The following BAHD1 variants were observed in gnomAD, a reference collection of about 807,000 sequenced individuals.
The protein encoded by BAHD1 is bromo adjacent homology domain-containing 1 protein.
A neutral mutation model predicts 63.1 loss-of-function variants in BAHD1; 20 were observed. That is an observed-to-expected ratio of 0.32 (90% CI 0.22 to 0.46). The LOEUF (loss-of-function observed/expected upper bound fraction) is 0.46, where lower values mean the gene tolerates loss of function less well. Ranked by LOEUF, BAHD1 falls within the 20% of genes least tolerant of loss-of-function variation. The probability of loss-of-function intolerance (pLI) is 1.00; values close to 1 mark genes in which losing one functional copy is unlikely to be tolerated. For missense variants in BAHD1, 939 were observed against 1,071.8 expected, an observed-to-expected ratio of 0.88 and a Z score of 1.73; for synonymous variants, 408 against 426.8, an observed-to-expected ratio of 0.96 and a Z score of 0.54.
upstream of BAHD1, among the ~76,000 whole-genome samples, chr15:40,437,778 T>C (rs578154788): frequency 6.6e-6 from 1 of 152,240 alleles, no homozygotes; most frequent in Non-Finnish European, 1.5e-5. Context: ...GGCCAGGCGG[T>C]CTTCGGGGAC....
At chr15:40,440,623 G>C (rs1176685679), upstream of BAHD1, among the ~76,000 whole-genome samples, 2 of 152,074 alleles carry the variant, frequency 1.3e-5, no homozygotes, top group Non-Finnish European at 2.9e-5. Flanking sequence ...GTGGGATACG[G>C]GCTCAGGTTC....
At chr15:40,445,978 A>G (rs1893530004) in intron 1 of BAHD1, among the ~76,000 whole-genome samples, 1 of 152,166 alleles carries the variant, frequency 6.6e-6, no homozygotes, top group Non-Finnish European at 1.5e-5. Context: ...AGTGACAGAA[A>G]ATACCATGCG....
intron 1 of BAHD1, among the ~76,000 whole-genome samples, chr15:40,454,907 G>T (rs78886478): frequency 0.042 from 6,347 of 152,276 alleles, 415 homozygotes; most frequent in African/African-American, 0.14. Context: ...CCTGTAGCTG[G>T]GCCATCCCTT....
intron 3 of BAHD1, 122 bp from the exon 4 acceptor site, chr15:40,463,739 C>T (rs1894119363): frequency 1.3e-5 from 15 of 1,142,624 alleles, no homozygotes; most frequent in Non-Finnish European, 1.7e-5. Context: ...AGTGGTTTGA[C>T]AAAACCAAGG....
chr15:40,459,716 G>A lies in BAHD1; in HGVS notation c.1252G>A (p.Ala418Thr). The change falls in exon 2 of 7, where the codon GCT becomes ACT. Residue 418 changes from alanine (A) to threonine (T), a missense_variant. Ala to Thr is a moderately conservative substitution (Grantham distance 58, BLOSUM62 0). Around this residue, in one of 5 missense-constraint regions of BAHD1, gnomAD observed 797 missense variants for 813.3 expected, o/e 0.98. Transcript: ENST00000416165. ...ACCTCACGAGGAGGGGCTCCTCTTA[G>A]CTCCGAGCTCAGTGCCCTCAGGCAC... ...AAPHEEGLLL[A>T]PSSVPSGTPF... The A allele has an allele frequency of 6.2e-7, 1 of 1,613,960 alleles. No individual in the cohort carries two copies. Among genetic ancestry groups the A allele is most frequent in the Non-Finnish European group, 8.5e-7 (1 of 1,180,010 alleles).
rs373889225 is a variant in BAHD1, at chr15:40,461,887, C to T, written c.1433-25C>T. ...TGATGGGGGTCACTGCTTGTCCTGT[C>T]CTGACCACTCTCTCCCTTTCCTAGA... On this transcript the variant is annotated intron_variant, in intron 2 of 6. Coordinates refer to ENST00000416165, the MANE Select transcript of BAHD1 (RefSeq NM_014952.5). 6 of 1,568,004 alleles carry T rather than the reference C, an allele frequency of 3.8e-6. No individual in the cohort carries two copies. In the African/African-American group the frequency reaches 8.1e-5, roughly 21 times the overall value.
rs201259550 is a variant in BAHD1 at position 40,459,396 on chromosome 15, G to C, written c.932G>C (p.Arg311Pro). ...GCTCTGGAGAGCCCTTTGGGGCTGC[G>C]CCCTCACCTGCCCCTGCTGATGGGT... ...SKALESPLGL[R>P]PHLPLLMGGQ... Residue 311 changes from arginine to proline, a missense_variant, in exon 2 of 7, where the codon CGC becomes CCC. Physicochemically the swap from Arg to Pro is moderately radical, Grantham distance 103 (BLOSUM62 -2). Transcript: ENST00000416165. The C allele has an allele frequency of 6.2e-7, 1 of 1,612,472 alleles. No individual in the cohort carries two copies. The highest frequency in any genetic ancestry group is 8.5e-7 in the Non-Finnish European group (1 of 1,179,672).
At chr15:40,464,084 A>C in intron 4 of BAHD1, 64 bp downstream of exon 4, 1 of 1,566,588 alleles carries the variant, frequency 6.4e-7, no homozygotes, top group South Asian at 1.2e-5. Context: ...TAGTCCCCAG[A>C]TTGGCCCCTG....
chr15:40,466,605 A>T lies in BAHD1; in HGVS notation c.*475A>T, dbSNP rs1894217634. 6.4e-6 allele frequency: 1 copy of T among 156,614 alleles called. No homozygotes were observed. The highest frequency in any genetic ancestry group is 1.4e-5 in the Non-Finnish European group (1 of 70,666). The allele number at this position is 156,614 out of a possible 1,614,324, so 9.7% of individuals were successfully genotyped here. Reference sequence around the variant, plus strand: ...TCAGCCTGGGACCAGGCTTTCCTAGATCCCAGCACAGCTCTGAGCTTGTTC... The same window carrying T: ...TCAGCCTGGGACCAGGCTTTCCTAGTTCCCAGCACAGCTCTGAGCTTGTTC... On this transcript the variant is annotated 3_prime_UTR_variant, in exon 7 of 7. Transcript: ENST00000416165.
chr15:40,458,719 T>C lies in BAHD1; in HGVS notation c.255T>C (p.Ser85=). The part of the protein sequence containing the change: ...TRLENVAGPR[S]ADEADELPPD... ...TGGAGAATGTGGCCGGTCCCCGGAGTGCAGATGAGGCTGATGAGCTACCGC... is the reference window on the plus strand; with the variant it reads ...TGGAGAATGTGGCCGGTCCCCGGAGCGCAGATGAGGCTGATGAGCTACCGC... The change falls in exon 2 of 7, where the codon AGT becomes AGC. Residue 85 remains serine (S), a synonymous_variant. Coordinates refer to ENST00000416165, the MANE Select transcript of BAHD1 (RefSeq NM_014952.5). The surrounding 1 kb of genome is among the most constrained non-coding windows in gnomAD (Gnocchi z 4.7). 1 of 1,613,572 alleles carries C rather than the reference T, an allele frequency of 6.2e-7. No individual in the cohort carries two copies. Among genetic ancestry groups the C allele is most frequent in the South Asian group, 1.1e-5 (1 of 91,076 alleles).
chr15:40,455,450 C>T (rs1459259687), intron 1 of BAHD1, among the ~76,000 whole-genome samples: 1 of 152,182 alleles, frequency 6.6e-6, no homozygotes, highest in Non-Finnish European at 1.5e-5. Flanking sequence ...CCCTTCCCAC[C>T]TCTCTCTGCT....
At chr15:40,442,086 C>T (rs1893420001) in intron 1 of BAHD1, among the ~76,000 whole-genome samples, 1 of 152,156 alleles carries the variant, frequency 6.6e-6, no homozygotes, top group Non-Finnish European at 1.5e-5. Context: ...ACCCTGTGCT[C>T]GCGGCCCGGC....
chr15:40,467,055 C>T lies in BAHD1; in HGVS notation c.*925C>T, dbSNP rs1170499969. On this transcript the variant is annotated 3_prime_UTR_variant, in exon 7 of 7. Transcript: ENST00000416165. ...CACCTGAAATCAAACCAAAGGAGTG[C>T]TGTGGCTCCCCTTGCCCTGCCACCC... is the stretch of plus-strand genomic sequence containing the variant. The T allele has an allele frequency of 6.6e-6, 1 of 152,478 alleles. No homozygotes were observed. The highest frequency in any genetic ancestry group is 2.1e-4 in the South Asian group (1 of 4,828). 9.4% of individuals were successfully genotyped at this position (152,478 alleles called of 1,614,324 possible).
chr15:40,452,527 C>G (rs906296691), intron 1 of BAHD1, among the ~76,000 whole-genome samples: 1 of 152,208 alleles, frequency 6.6e-6, no homozygotes, highest in Non-Finnish European at 1.5e-5. Context: ...ATAGTTTCTG[C>G]CCCGGCCCTC....
At chr15:40,464,094 G>T in intron 4 of BAHD1, 74 bp downstream of exon 4, 1 of 1,539,568 alleles carries the variant, frequency 6.5e-7, no homozygotes, top group South Asian at 1.2e-5. Context: ...ATTGGCCCCT[G>T]CCTGGAGTTT....
intron 1 of BAHD1, among the ~76,000 whole-genome samples, chr15:40,451,615 CAG>C (rs1183841952): frequency 6.6e-6 from 1 of 152,224 alleles, no homozygotes; most frequent in African/African-American, 2.4e-5. Flanking sequence ...AACCAAGACT[CAG>C]AGTTCAAGCC....
Position 40,462,113 on chromosome 15 carries a change from C to T in BAHD1, c.1634C>T (p.Ser545Phe), listed in dbSNP as rs761900037. ...CPQSAKPPSGSKSGLRTGSSC... is the reference protein window; with the variant it reads ...CPQSAKPPSGFKSGLRTGSSC... ...CAGAGCGCCAAACCTCCCAGCGGTT[C>T]TAAGTCAGGTCTGCGCACAGGCTCC... Residue 545 changes from serine (S) to phenylalanine (F), a missense_variant, in exon 3 of 7, where the codon TCT becomes TTT. Transcript: ENST00000416165. The T allele has an allele frequency of 1.1e-5, 17 of 1,612,978 alleles. 1 individual carries two copies. The East Asian group carries it at 3.3e-4, about 32-fold the overall frequency.
At chr15:40,465,873 G>C (rs1894184817) in intron 6 of BAHD1, 68 bp from the exon 7 acceptor site, 2 of 1,492,888 alleles carry the variant, frequency 1.3e-6, no homozygotes, top group Non-Finnish European at 1.8e-6. Context: ...GTAGGGTAGG[G>C]TAGGGAAGGA....
intron 1 of BAHD1, among the ~76,000 whole-genome samples, chr15:40,456,465 C>A (rs900575101): frequency 6.6e-6 from 1 of 152,234 alleles, no homozygotes; most frequent in Admixed American, 6.5e-5. Flanking sequence ...AGTGGCAAGT[C>A]CCCGCACGTG....
Sources: allele counts gnomAD v4.1 joint callset (sites outside exome capture counted in the v4.1 genomes callset), GRCh38; gene constraint gnomAD v4.1.1; regional missense constraint gnomAD v4.1.1; non-coding constraint Gnocchi (gnomAD v3.1); transcripts MANE v1.5; gene names NCBI Gene and HGNC (gene_info 2026-07-23, HGNC 2026-07-21).